The following EPHA6 variants were observed in gnomAD, a reference collection of about 807,000 sequenced individuals.
EPHA6 encodes ephrin type-A receptor 6.
In EPHA6, 50 loss-of-function variants were observed where a neutral mutation model predicts 112.0. The observed-to-expected ratio is 0.45, with a 90% CI of 0.36 to 0.56. The LOEUF is 0.56. Among genes scored for constraint, EPHA6 ranks in the 20% least tolerant of loss-of-function variants. EPHA6 has a pLI of 0.00. For synonymous variants in EPHA6, 529 were observed against 490.7 expected, an observed-to-expected ratio of 1.08 and a Z score of -1.03; for missense variants, 1,280 against 1,417.4, an observed-to-expected ratio of 0.90 and a Z score of 1.56.
intron 14 of EPHA6, among the ~76,000 whole-genome samples, chr3:97,643,247 AT>A (rs1268385210): frequency 6.7e-6 from 1 of 149,492 alleles, no homozygotes; most frequent in African/African-American, 2.4e-5. Context: ...ATGCTGAGAG[AT>A]TTTGTCACCA....
chr3:97,272,802 T>G (rs988518430), intron 5 of EPHA6, among the ~76,000 whole-genome samples: 4 of 152,174 alleles, frequency 2.6e-5, no homozygotes. Flanking sequence ...ACCGGCCATC[T>G]GGATGTGTAC....
chr3:96,933,897 A>G (rs2040455362), intron 2 of EPHA6, among the ~76,000 whole-genome samples: 1 of 152,042 alleles, frequency 6.6e-6, no homozygotes. Context: ...AAATGACCAG[A>G]TGATAGTTGT....
chr3:96,972,412 AACACACACACAAACACAC>A (rs1049156529), intron 2 of EPHA6, among the ~76,000 whole-genome samples: 1 of 111,316 alleles, frequency 9.0e-6, no homozygotes, highest in Admixed American at 1.0e-4. Context: ...AGATTTCAGA[AACACACACACAAACACAC>A]ACACACACAC....
intron 14 of EPHA6, among the ~76,000 whole-genome samples, chr3:97,715,164 G>A (rs1260678880): frequency 2.0e-5 from 3 of 152,120 alleles, no homozygotes; most frequent in African/African-American, 4.8e-5. Flanking sequence ...CTGCTCACAC[G>A]GTCTTGGTAC....
intron 5 of EPHA6, among the ~76,000 whole-genome samples, chr3:97,340,546 G>A (rs887067259): frequency 6.6e-6 from 1 of 152,172 alleles, no homozygotes; most frequent in Non-Finnish European, 1.5e-5. Context: ...AGCTGAGAAA[G>A]GGATAGTGGG....
At chr3:97,356,596 T>A (rs1018861033) in intron 5 of EPHA6, among the ~76,000 whole-genome samples, 15 of 152,244 alleles carry the variant, frequency 9.9e-5, no homozygotes, top group Admixed American at 1.3e-4. Context: ...TTCTATAAAT[T>A]TGTGAATTTT....
At chr3:97,508,723 T>G (rs1202412793) in intron 10 of EPHA6, among the ~76,000 whole-genome samples, 1 of 152,162 alleles carries the variant, frequency 6.6e-6, no homozygotes, top group Non-Finnish European at 1.5e-5. Flanking sequence ...GTTAATTTTC[T>G]GTCTAATTGA....
chr3:96,866,797 G>A lies in EPHA6; in HGVS notation c.386-28G>A, dbSNP rs376152081. ...TTTTTGCATTAGTTGAGAAATTCAT[G>A]GAATTTTTATTTTCTATTTAATTCC... On this transcript the variant is annotated intron_variant, in intron 1 of 17. Transcript: ENST00000389672. 5.2e-5 allele frequency: 69 copies of A among 1,332,558 alleles called. No individual in the cohort carries two copies. In the African/African-American group the frequency reaches 8.7e-4, roughly 17 times the overall value. 82.5% of individuals were successfully genotyped at this position (1,332,558 alleles called of 1,614,324 possible).
intron 15 of EPHA6, among the ~76,000 whole-genome samples, chr3:97,721,971 T>C (rs563874738): frequency 6.6e-6 from 1 of 152,210 alleles, no homozygotes; most frequent in Non-Finnish European, 1.5e-5. Context: ...TGCCCTAAAC[T>C]CAAGATAATG....
rs979579814 is a variant in EPHA6, at chr3:97,757,767, C to T, written c.*9066C>T. 6.6e-6 allele frequency among the ~76,000 whole-genome samples: 1 copy of T among 151,696 alleles called. No individual in the cohort carries two copies. Among genetic ancestry groups the T allele is most frequent in the African/African-American group, 2.4e-5 (1 of 41,396 alleles). On this transcript the variant is annotated 3_prime_UTR_variant, in exon 18 of 18. Coordinates refer to ENST00000389672, the MANE Select transcript of EPHA6 (RefSeq NM_001080448.3). ...TATAATATGTTTTGATCTCTAAATG[C>T]TTACATTCTTTCAAGAAGATTGCCT...
intron 14 of EPHA6, among the ~76,000 whole-genome samples, chr3:97,706,620 C>A (rs1313329948): frequency 6.6e-6 from 1 of 152,144 alleles, no homozygotes; most frequent in Non-Finnish European, 1.5e-5. Flanking sequence ...CCCTTCTGTG[C>A]CTCTTACTGT....
chr3:97,310,791 T>A (rs1475966144), intron 5 of EPHA6, among the ~76,000 whole-genome samples: 1 of 151,856 alleles, frequency 6.6e-6, no homozygotes, highest in Non-Finnish European at 1.5e-5. Flanking sequence ...ATATATAAAT[T>A]ATTCCATAAA....
intron 11 of EPHA6, among the ~76,000 whole-genome samples, chr3:97,573,445 T>C (rs1171042475): frequency 6.6e-6 from 1 of 152,152 alleles, no homozygotes; most frequent in Non-Finnish European, 1.5e-5. Flanking sequence ...TAAAGAGTTC[T>C]TTTATAGTCT....
At chr3:97,437,121 C>T (rs1014271413) in intron 6 of EPHA6, among the ~76,000 whole-genome samples, 1 of 150,714 alleles carries the variant, frequency 6.6e-6, no homozygotes, top group Non-Finnish European at 1.5e-5. Flanking sequence ...CAAGACAGTT[C>T]TTCTTTGTCC....
chr3:97,679,297 A>G (rs1464160630), intron 14 of EPHA6, among the ~76,000 whole-genome samples: 2 of 152,054 alleles, frequency 1.3e-5, no homozygotes, highest in Non-Finnish European at 2.9e-5. Flanking sequence ...GGAACTTGGA[A>G]CCCAGAGGGC....
intron 5 of EPHA6, among the ~76,000 whole-genome samples, chr3:97,393,515 T>G (rs1259186007): frequency 1.3e-5 from 2 of 151,870 alleles, no homozygotes; most frequent in Non-Finnish European, 2.9e-5. Context: ...ACCTCTGTAA[T>G]TAAGTGCTGA....
chr3:96,887,062 C>T (rs753599303), intron 2 of EPHA6, among the ~76,000 whole-genome samples: 4 of 152,162 alleles, frequency 2.6e-5, no homozygotes, highest in South Asian at 2.1e-4. Flanking sequence ...TATTGACTAA[C>T]GTCCTGAATT....
chr3:97,026,108 G>T (rs2044627786), intron 3 of EPHA6, among the ~76,000 whole-genome samples: 1 of 147,702 alleles, frequency 6.8e-6, no homozygotes, highest in Non-Finnish European at 1.5e-5. Context: ...TGTCCCACTG[G>T]TCTATGTGTC....
At chr3:96,899,028 A>G (rs2038448474) in intron 2 of EPHA6, among the ~76,000 whole-genome samples, 1 of 133,504 alleles carries the variant, frequency 7.5e-6, no homozygotes, top group African/African-American at 2.8e-5. Context: ...ACTCCATCTC[A>G]AAAAAAAAAA....
Sources: allele counts gnomAD v4.1 joint callset (sites outside exome capture counted in the v4.1 genomes callset), GRCh38; gene constraint gnomAD v4.1.1; transcripts MANE v1.5; gene names NCBI Gene and HGNC (gene_info 2026-07-23, HGNC 2026-07-21).